Variants in PDE8A observed in about 807,000 individuals in gnomAD.
PDE8A encodes phosphodiesterase 8A.
A neutral mutation model predicts 105.0 loss-of-function variants in PDE8A; 59 were observed. That is an observed-to-expected ratio of 0.56 (90% CI 0.46 to 0.70). The LOEUF (loss-of-function observed/expected upper bound fraction) is 0.70. PDE8A is among the 30% of genes least tolerant of loss of function. The probability of loss-of-function intolerance (pLI) is 0.00; values close to 1 mark genes in which losing one functional copy is unlikely to be tolerated. For synonymous variants in PDE8A, 355 were observed against 371.9 expected, an observed-to-expected ratio of 0.95 and a Z score of 0.52; for missense variants, 1,014 against 1,045.9, an observed-to-expected ratio of 0.97 and a Z score of 0.42.
intron 12 of PDE8A, among the ~76,000 whole-genome samples, chr15:85,110,544 G>T (rs894394331): frequency 6.6e-6 from 1 of 152,142 alleles, no homozygotes; most frequent in Non-Finnish European, 1.5e-5. Context: ...AATTGGAATC[G>T]TACAGTATGG....
intron 7 of PDE8A, among the ~76,000 whole-genome samples, chr15:85,089,956 C>T (rs2081614606): frequency 6.6e-6 from 1 of 152,122 alleles, no homozygotes; most frequent in Non-Finnish European, 1.5e-5. Context: ...TTTCAGATAA[C>T]AGCAAAAAAG....
At chr15:84,986,309 T>G (rs2079801508) in intron 1 of PDE8A, among the ~76,000 whole-genome samples, 1 of 152,204 alleles carries the variant, frequency 6.6e-6, no homozygotes, top group Non-Finnish European at 1.5e-5. Flanking sequence ...CAACCTCTAA[T>G]CGAGTGTTAC....
At chr15:84,981,607 C>T (rs2142128384), upstream of PDE8A, among the ~76,000 whole-genome samples, 1 of 152,252 alleles carries the variant, frequency 6.6e-6, no homozygotes, top group Non-Finnish European at 1.5e-5. Context: ...CGGCACTCGG[C>T]CTGGGGGGGC....
chr15:85,049,867 A>T (rs186379445), intron 1 of PDE8A, among the ~76,000 whole-genome samples: 60 of 152,334 alleles, frequency 3.9e-4, no homozygotes, highest in Admixed American at 2.0e-4. Flanking sequence ...TTGTTGGATC[A>T]TATGTTAATT....
At chr15:85,033,777 A>G (rs1412342012) in intron 1 of PDE8A, among the ~76,000 whole-genome samples, 3 of 152,190 alleles carry the variant, frequency 2.0e-5, no homozygotes, top group Non-Finnish European at 4.4e-5. Flanking sequence ...AGGCAGGAGA[A>G]TCGCTTGAAC....
At chr15:85,116,263 G>A in intron 16 of PDE8A, 144 bp downstream of exon 16, 1 of 714,348 alleles carries the variant, frequency 1.4e-6, no homozygotes, top group Non-Finnish European at 2.3e-6. Context: ...GCACCAGGTG[G>A]CTCTGAGTCA....
chr15:85,031,590 G>A (rs1453203155), intron 1 of PDE8A, among the ~76,000 whole-genome samples: 2 of 152,114 alleles, frequency 1.3e-5, no homozygotes, highest in African/African-American at 4.8e-5. Context: ...CAGTGACTGA[G>A]TACAGCCCTC....
intron 20 of PDE8A, among the ~76,000 whole-genome samples, chr15:85,134,215 G>T (rs1433349948): frequency 6.6e-6 from 1 of 152,220 alleles, no homozygotes; most frequent in Non-Finnish European, 1.5e-5. Flanking sequence ...GGGAGGGCAG[G>T]CCCTGAGAGC....
At chr15:85,023,951 G>A (rs1157937739) in intron 1 of PDE8A, among the ~76,000 whole-genome samples, 1 of 152,140 alleles carries the variant, frequency 6.6e-6, no homozygotes, top group Non-Finnish European at 1.5e-5. Context: ...GAGGTTTGGT[G>A]GAACTGGCTG....
At chr15:85,029,359 C>T (rs1441911684) in intron 1 of PDE8A, among the ~76,000 whole-genome samples, 2 of 151,302 alleles carry the variant, frequency 1.3e-5, no homozygotes, top group Non-Finnish European at 1.5e-5. Context: ...CAATGCCTTT[C>T]CCTTCTGCCA....
intron 9 of PDE8A, 147 bp from the exon 10 acceptor site, chr15:85,099,868 G>A (rs1028594315): frequency 1.2e-5 from 8 of 661,722 alleles, no homozygotes; most frequent in Non-Finnish European, 2.1e-5. Context: ...TTATTTATTG[G>A]TGGCCTTGGT....
chr15:85,136,471 G>C, intron 20 of PDE8A, 63 bp from the exon 21 acceptor site: 9 of 1,543,358 alleles, frequency 5.8e-6, no homozygotes, highest in Non-Finnish European at 7.9e-6. Context: ...TGGGGGAGGG[G>C]CTGCCCCTAG....
intron 6 of PDE8A, among the ~76,000 whole-genome samples, chr15:85,086,419 G>A (rs1000247430): frequency 2.0e-5 from 3 of 152,130 alleles, no homozygotes; most frequent in Non-Finnish European, 2.9e-5. Flanking sequence ...AAATATGTTT[G>A]TAACATATAG....
At position 84,982,357 on chromosome 15, in the gene PDE8A, C is replaced by A; in HGVS notation, c.186+9C>A. The A allele has an allele frequency of 1.5e-6, 2 of 1,313,398 alleles. No individual in the cohort carries two copies. Among genetic ancestry groups the A allele is most frequent in the Non-Finnish European group, 1.9e-6 (2 of 1,033,422 alleles). 81.4% of individuals were successfully genotyped at this position (1,313,398 alleles called of 1,614,324 possible). A position where few individuals can be genotyped will look rare whatever the true frequency, so the allele number is the denominator to read the frequency against. On this transcript the variant is annotated intron_variant, in intron 1 of 21. Coordinates refer to ENST00000394553, the MANE Select transcript of PDE8A (RefSeq NM_002605.3). ...ACGGCAGCGGCAAGAAGGTAAGGGG[C>A]GCCGGGCACTCTGGGGCCGCCGCGA...
chr15:85,040,828 G>A (rs1227806949), intron 1 of PDE8A, among the ~76,000 whole-genome samples: 1 of 152,012 alleles, frequency 6.6e-6, no homozygotes, highest in African/African-American at 2.4e-5. Context: ...CAAAATGCTG[G>A]GATTACAGGC....
At chr15:85,110,158 G>A (rs1275302894) in intron 12 of PDE8A, among the ~76,000 whole-genome samples, 1 of 152,178 alleles carries the variant, frequency 6.6e-6, no homozygotes, top group Admixed American at 6.5e-5. Flanking sequence ...CATCTTCATT[G>A]TAGCTGTCGT....
chr15:85,076,320 T>C (rs1043044750), intron 4 of PDE8A, among the ~76,000 whole-genome samples: 1 of 152,046 alleles, frequency 6.6e-6, no homozygotes, highest in Non-Finnish European at 1.5e-5. Context: ...TTCAAATTAA[T>C]GTTATTTAGC....
At chr15:85,075,171 G>A (rs536561840) in intron 3 of PDE8A, among the ~76,000 whole-genome samples, 267 of 152,208 alleles carry the variant, frequency 1.8e-3, no homozygotes, top group Non-Finnish European at 3.1e-3. Context: ...ATTCCCCATG[G>A]CCTCTAAAGC....
intron 8 of PDE8A, among the ~76,000 whole-genome samples, chr15:85,096,418 C>G (rs1439709809): frequency 1.3e-5 from 2 of 152,102 alleles, no homozygotes; most frequent in Non-Finnish European, 2.9e-5. Context: ...ATGGTTGTGC[C>G]ACTGCACTCC....
Sources: allele counts gnomAD v4.1 joint callset (sites outside exome capture counted in the v4.1 genomes callset), GRCh38; gene constraint gnomAD v4.1.1; transcripts MANE v1.5; gene names NCBI Gene and HGNC (gene_info 2026-07-23, HGNC 2026-07-21).